The following MUC17 variants were observed in gnomAD, a reference collection of about 807,000 sequenced individuals.
MUC17 encodes the protein mucin-17.
MUC17 carries 190 observed loss-of-function variants against 170.3 expected under a neutral mutation model. The observed-to-expected ratio is 1.12, with a 90% CI of 0.99 to 1.26. The LOEUF is 1.26. Among genes scored for constraint, MUC17 ranks in the 50% most tolerant of loss-of-function variants. MUC17 has a pLI of 0.00. For missense variants in MUC17, 6,415 were observed against 5,530.0 expected (o/e 1.16, Z -5.08); for synonymous variants, 2,325 against 2,002.5 (o/e 1.16, Z -4.30).
At chr7:101,051,744 G>T in intron 8 of MUC17, 59 bp from the exon 9 acceptor site, 1 of 1,605,968 alleles carries the variant, frequency 6.2e-7, no homozygotes, top group Admixed American at 1.7e-5. Context: ...GGAGGAGTGG[G>T]ACAGTGTCCC....
rs762926065 is a variant in MUC17, at chr7:101,032,619, C to T, written c.1203C>T (p.Ser401=). 172 of 1,613,942 alleles carry T rather than the reference C, an allele frequency of 1.1e-4. No homozygotes were observed. Among genetic ancestry groups the T allele is most frequent in the Non-Finnish European group, 1.4e-4 (166 of 1,179,948 alleles). Residue 401 remains serine (S), a synonymous_variant, in exon 3 of 13, where the codon AGC becomes AGT. Coordinates refer to ENST00000306151, the MANE Select transcript of MUC17 (RefSeq NM_001040105.2). ...CTCCATTAACAAATATGCCTGTCAG[C>T]ACCATATTGGTGGCCAGTTCTGAGG... ...GSTPLTNMPV[S]TILVASSEAS... is the part of the protein sequence containing the mutation.
At chr7:101,027,330 C>G (rs536291559) in intron 1 of MUC17, among the ~76,000 whole-genome samples, 1 of 152,128 alleles carries the variant, frequency 6.6e-6, no homozygotes, top group Non-Finnish European at 1.5e-5. Flanking sequence ...TGAGGTTTCT[C>G]GCTATTGCTC....
rs748214999 is a variant in MUC17 at position 101,051,926 on chromosome 7, G to T, written c.13067G>T (p.Gly4356Val). 84 of 1,614,006 alleles carry T rather than the reference G, an allele frequency of 5.2e-5. No homozygotes were observed. The highest frequency in any genetic ancestry group is 6.9e-5 in the Non-Finnish European group (82 of 1,179,994). The change falls in exon 9 of 13, where the codon GGC becomes GTC. Residue 4356 changes from glycine (G) to valine (V), a missense_variant. Coordinates refer to ENST00000306151, the MANE Select transcript of MUC17 (RefSeq NM_001040105.2). ...GFSVSKNCNL[G>V]KCQMSLSGPQ... ...AGTGTCTCCAAGAACTGTAACCTCG[G>T]CAAGTGCCAGATGTCTCTAAGTGGA...
Position 101,039,259 on chromosome 7 carries a change from C to G in MUC17, c.7843C>G (p.Pro2615Ala), listed in dbSNP as rs1321577508. ...CACTTCTACTGAAACCAGTTCATCT[C>G]CTACAACTGCAAAAGATACCAGCAT... ...VTTSTETSSS[P>A]TTAKDTSMPI... The change falls in exon 3 of 13, where the codon CCT becomes GCT. Residue 2615 changes from proline to alanine, a missense_variant. Pro to Ala is a conservative substitution (Grantham distance 27, BLOSUM62 -1). Coordinates refer to ENST00000306151, the MANE Select transcript of MUC17 (RefSeq NM_001040105.2). The G allele has an allele frequency of 6.2e-7, 1 of 1,613,286 alleles. No homozygotes were observed. Among genetic ancestry groups the G allele is most frequent in the South Asian group, 1.1e-5 (1 of 91,034 alleles).
chr7:101,046,248 G>T (rs149687240), intron 3 of MUC17, among the ~76,000 whole-genome samples: 32 of 152,252 alleles, frequency 2.1e-4, no homozygotes, highest in African/African-American at 7.2e-4. Context: ...AGGGTAAACC[G>T]GAAGGCAGAG....
intron 12 of MUC17, among the ~76,000 whole-genome samples, chr7:101,057,345 G>T (rs1048304950): frequency 1.3e-5 from 2 of 152,274 alleles, no homozygotes; most frequent in Non-Finnish European, 2.9e-5. Flanking sequence ...TAGCCCTTTG[G>T]GCAAGGATGA....
rs770582808 is a variant in MUC17, at chr7:101,041,953, G to T, written c.10537G>T (p.Gly3513Cys). Residue 3513 changes from glycine (G) to cysteine (C), a missense_variant, in exon 3 of 13, where the codon GGT becomes TGT. By Grantham distance (159) the Gly-to-Cys change is radical. Transcript: ENST00000306151. Reference protein sequence around the residue: ...EVTSMPTSTAGEGSTPLTNMP... With the variant: ...EVTSMPTSTACEGSTPLTNMP... ...TACCAGCATGCCAACATCAACTGCT[G>T]GTGAAGGAAGCACTCCATTAACAAA... The T allele has an allele frequency of 1.9e-6, 3 of 1,566,388 alleles. No homozygotes were observed. Among genetic ancestry groups the T allele is most frequent in the Non-Finnish European group, 2.6e-6 (3 of 1,158,444 alleles).
rs763231969 is a variant in MUC17, at chr7:101,041,089, A to T, written c.9673A>T (p.Thr3225Ser). 9 of 1,613,640 alleles carry T rather than the reference A, an allele frequency of 5.6e-6. No individual in the cohort carries two copies. The highest frequency in any genetic ancestry group is 1.3e-5 in the African/African-American group (1 of 74,802). ...STPSEGMTPL[T>S]SVPVSNTPVA... ...TCCTAGTGAAGGAATGACTCCATTA[A>T]CTAGTGTACCTGTCAGCAACACGCC... The change falls in exon 3 of 13, where the codon ACT becomes TCT. Residue 3225 changes from threonine to serine, a missense_variant. Physicochemically the swap from Thr to Ser is moderately conservative, Grantham distance 58. Transcript: ENST00000306151.
Position 101,052,979 on chromosome 7 carries a change from A to C in MUC17, c.13104-7A>C, listed in dbSNP as rs1794976971. 1.2e-6 allele frequency: 2 copies of C among 1,610,680 alleles called. No individual in the cohort carries two copies. The highest frequency in any genetic ancestry group is 1.7e-4 in the Middle Eastern group (1 of 5,960). ...CTCCCCAACCTGCCGCTTCTCTCCC[A>C]TCTCAGCTGCGTGACCACGGAAACT... On this transcript the variant is annotated splice_polypyrimidine_tract_variant and splice_region_variant and intron_variant, in intron 9 of 12. Coordinates refer to ENST00000306151, the MANE Select transcript of MUC17 (RefSeq NM_001040105.2).
In MUC17 at chr7:101,032,451, G is replaced by A. The variant is rs368047713; in HGVS notation, c.1035G>A (p.Pro345=). 61 of 1,613,398 alleles carry A rather than the reference G, an allele frequency of 3.8e-5. No individual in the cohort carries two copies. Among genetic ancestry groups the A allele is most frequent in the Middle Eastern group, 1.7e-4 (1 of 6,058 alleles). The stretch of plus-strand genomic sequence containing the variant: ...CAAGTACGCCTGCCAGCACCATGCC[G>A]GTTGCCACTTCTGAAATGAGCACAC... The part of the protein sequence containing the change: ...PLTSTPASTM[P]VATSEMSTLS... Residue 345 remains proline (P), a synonymous_variant, in exon 3 of 13, where the codon CCG becomes CCA. Coordinates refer to ENST00000306151, the MANE Select transcript of MUC17 (RefSeq NM_001040105.2).
intron 11 of MUC17, among the ~76,000 whole-genome samples, chr7:101,054,936 C>T (rs1412455678): frequency 1.3e-5 from 2 of 152,086 alleles, no homozygotes; most frequent in African/African-American, 2.4e-5. Context: ...GGTGAAACCC[C>T]GTCTCTACTA....
chr7:101,038,610 A>G lies in MUC17; in HGVS notation c.7194A>G (p.Pro2398=). Residue 2398 remains proline, a synonymous_variant, in exon 3 of 13, where the codon CCA becomes CCG. Coordinates refer to ENST00000306151, the MANE Select transcript of MUC17 (RefSeq NM_001040105.2). ...CAACTTATAGTGAAGGAAGCACTCC[A>G]CTAACAAGTGTGCCTGTCAGCACCA... ...PTSTYSEGST[P]LTSVPVSTMP... 1.9e-6 allele frequency: 3 copies of G among 1,613,892 alleles called. No individual in the cohort carries two copies. The highest frequency in any genetic ancestry group is 2.5e-6 in the Non-Finnish European group (3 of 1,179,994).
chr7:101,026,667 C>T (rs1234003786), intron 1 of MUC17, among the ~76,000 whole-genome samples: 1 of 152,170 alleles, frequency 6.6e-6, no homozygotes, highest in Non-Finnish European at 1.5e-5. Context: ...TCACTGCAGC[C>T]TTGAACTCCT....
intron 4 of MUC17, among the ~76,000 whole-genome samples, chr7:101,048,471 T>C: frequency 6.6e-6 from 1 of 151,012 alleles, no homozygotes; most frequent in Non-Finnish European, 1.5e-5. Flanking sequence ...TGGTGCATAC[T>C]TGTAGTCTTA....
Position 101,040,475 on chromosome 7 carries a change from C to G in MUC17, c.9059C>G (p.Thr3020Ser), listed in dbSNP as rs1208652512. The change falls in exon 3 of 13, where the codon ACT (threonine) becomes AGT (serine). Residue 3020 changes from threonine to serine, a missense_variant. Transcript: ENST00000306151. ...TPADTSTPVT[T>S]STEASSSPTT... ...GCTGACACCAGCACACCTGTGACCA[C>G]TTCTACTGAAGCCAGTTCCTCTCCT... is the stretch of plus-strand genomic sequence containing the variant. 5 of 1,612,402 alleles carry G rather than the reference C, an allele frequency of 3.1e-6. 1 individual carries two copies. In the South Asian group the frequency reaches 3.3e-5, roughly 11 times the overall value.
rs777620617 is a variant in MUC17 at position 101,035,306 on chromosome 7, C to A, written c.3890C>A (p.Thr1297Asn). 4.3e-6 allele frequency: 7 copies of A among 1,610,326 alleles called. No individual in the cohort carries two copies. The highest frequency in any genetic ancestry group is 3.3e-4 in the Middle Eastern group (2 of 6,076). ...TTLVTSPEAS[T>N]LLTTPVDTKG... ...CTGGTGACCAGTCCTGAGGCTAGCA[C>A]CCTTTTAACAACTCCTGTTGACACT... Residue 1297 changes from threonine (T) to asparagine (N), a missense_variant, in exon 3 of 13, where the codon ACC (threonine) becomes AAC (asparagine). Thr to Asn is a moderately conservative substitution (Grantham distance 65). Transcript: ENST00000306151.
Position 101,041,386 on chromosome 7 carries a change from A to G in MUC17, c.9970A>G (p.Ile3324Val), listed in dbSNP as rs1274240053. The G allele has an allele frequency of 4.3e-6, 7 of 1,613,418 alleles. No homozygotes were observed. Among genetic ancestry groups the G allele is most frequent in the South Asian group, 1.1e-5 (1 of 91,036 alleles). ...TTCTCAAGCCAGTTCATCTCCTCCA[A>G]TTGCTGACGGTACTAGCATGCCAAC... ...TYSQASSSPP[I>V]ADGTSMPTST... Residue 3324 changes from isoleucine (I) to valine (V), a missense_variant, in exon 3 of 13, where the codon ATT becomes GTT. Coordinates refer to ENST00000306151, the MANE Select transcript of MUC17 (RefSeq NM_001040105.2).
rs1267866597 is a variant in MUC17 at position 101,033,395 on chromosome 7, T to G, written c.1979T>G (p.Val660Gly). ...ACTCCTGTTGACTCCAACACTCCTG[T>G]GACCACTTCAACTGAAGCCACTTCA... ...STTPVDSNTPVTTSTEATSSS... is the reference protein window; with the variant it reads ...STTPVDSNTPGTTSTEATSSS... The change falls in exon 3 of 13, where the codon GTG becomes GGG. Residue 660 changes from valine to glycine, a missense_variant. By Grantham distance (109) the Val-to-Gly change is moderately radical (BLOSUM62 -3). Coordinates refer to ENST00000306151, the MANE Select transcript of MUC17 (RefSeq NM_001040105.2). The G allele has an allele frequency of 1.2e-5, 19 of 1,613,980 alleles. No homozygotes were observed. The highest frequency in any genetic ancestry group is 1.6e-5 in the Non-Finnish European group (19 of 1,179,956).
chr7:101,051,720 A>G (rs1384247211), intron 8 of MUC17, 39 bp downstream of exon 8: 2 of 1,607,718 alleles, frequency 1.2e-6, no homozygotes, highest in African/African-American at 1.3e-5. Flanking sequence ...AAGGCTGGAG[A>G]GGTGGGGAGC....
Sources: allele counts gnomAD v4.1 joint callset (sites outside exome capture counted in the v4.1 genomes callset), GRCh38; gene constraint gnomAD v4.1.1; transcripts MANE v1.5; gene names NCBI Gene and HGNC (gene_info 2026-07-23, HGNC 2026-07-21).